The following DDX6 variants were observed in gnomAD, a reference collection of about 807,000 sequenced individuals.
The protein encoded by DDX6 is DEAD-box helicase 6, also known as probable ATP-dependent RNA helicase DDX6.
In DDX6, 7 loss-of-function variants were observed where a neutral mutation model predicts 60.6. The observed-to-expected ratio is 0.12, with a 90% CI of 0.07 to 0.22. The LOEUF (loss-of-function observed/expected upper bound fraction) is 0.22, where lower values mean the gene tolerates loss of function less well. DDX6 is among the 10% of genes least tolerant of loss of function. The probability of loss-of-function intolerance (pLI) is 1.00; values close to 1 mark genes in which losing one functional copy is unlikely to be tolerated. For synonymous variants in DDX6, 207 were observed against 201.0 expected (o/e 1.03, Z -0.25); for missense variants, 270 against 589.9 (o/e 0.46, Z 5.62).
intron 5 of DDX6, chr11:118,767,993 C>T: frequency 2.4e-6 from 1 of 419,962 alleles, no homozygotes; most frequent in South Asian, 3.3e-5. Flanking sequence ...GGAATGCTGT[C>T]ACAAGTGTGT....
At position 118,786,066 on chromosome 11, in the gene DDX6, C is replaced by A; in HGVS notation, c.186G>T (p.Met62Ile). 1 of 1,613,778 alleles carries A rather than the reference C, an allele frequency of 6.2e-7. No homozygotes were observed. The highest frequency in any genetic ancestry group is 8.5e-7 in the Non-Finnish European group (1 of 1,179,762). ...NNGTQQQAQS[M>I]TTTIKPGDDW... Reference sequence around the variant, plus strand: ...CTAACACTTACTTAATAGTGGTGGTCATACTCTGTGCTTGCTGCTGAGTGC... The same window carrying A: ...CTAACACTTACTTAATAGTGGTGGTAATACTCTGTGCTTGCTGCTGAGTGC... Residue 62 changes from methionine (M) to isoleucine (I), a missense_variant, in exon 2 of 14, where the codon ATG (methionine) becomes ATT (isoleucine). By Grantham distance (10) the Met-to-Ile change is conservative. Transcript: ENST00000534980.
rs1194348154 is a variant in DDX6, at chr11:118,749,031, A to AAGATC, written c.*3069_*3073dup. On this transcript the variant is annotated 3_prime_UTR_variant, in exon 14 of 14. Coordinates refer to ENST00000534980, the MANE Select transcript of DDX6 (RefSeq NM_004397.6). Reference sequence around the variant, plus strand: ...GTTTCCCTCTCTCTTACTTCTGTGAAAGATCATTTTAGAATAAATGTATTC... The same window carrying AAGATC: ...GTTTCCCTCTCTCTTACTTCTGTGAAAGATCAGATCATTTTAGAATAAATGTATTC... The AAGATC allele has an allele frequency of 2.6e-5, 4 of 152,240 alleles. No individual in the cohort carries two copies. The highest frequency in any genetic ancestry group is 9.6e-5 in the African/African-American group (4 of 41,460). The allele number at this position is 152,240 out of a possible 1,614,324, so 9.4% of individuals were successfully genotyped here. A position where few individuals can be genotyped will look rare whatever the true frequency, so the allele number is the denominator to read the frequency against.
intron 12 of DDX6, 115 bp from the exon 13 acceptor site, chr11:118,755,002 C>A: frequency 1.0e-6 from 1 of 956,208 alleles, no homozygotes; most frequent in Non-Finnish European, 1.5e-6. Flanking sequence ...CAGTGCCATT[C>A]TTAGTATGCA....
At chr11:118,771,103 T>C (rs1287771261) in intron 4 of DDX6, among the ~76,000 whole-genome samples, 3 of 152,190 alleles carry the variant, frequency 2.0e-5, no homozygotes, top group Admixed American at 6.5e-5. Context: ...GTTTTCTCTT[T>C]TGTGGTTCTG....
At chr11:118,754,561 ATAT>A (rs1217546941) in intron 13 of DDX6, 141 bp downstream of exon 13, 33 of 669,472 alleles carry the variant, frequency 4.9e-5, no homozygotes, top group African/African-American at 7.5e-5. Context: ...CCCACAAGAG[ATAT>A]TATTTACTGT....
chr11:118,757,909 A>G, intron 9 of DDX6, among the ~76,000 whole-genome samples: 1 of 152,078 alleles, frequency 6.6e-6, no homozygotes, highest in South Asian at 2.1e-4. Flanking sequence ...CTTCTTTAAT[A>G]TACTCACAAC....
chr11:118,776,117 C>T (rs782151355), intron 4 of DDX6, among the ~76,000 whole-genome samples: 2 of 152,174 alleles, frequency 1.3e-5, no homozygotes, highest in Admixed American at 6.5e-5. Flanking sequence ...GCATCCAGCC[C>T]AGGCAACTTA....
Position 118,748,309 on chromosome 11 carries a change from G to T in DDX6, c.*3796C>A, listed in dbSNP as rs1282642519. 2.6e-5 allele frequency: 4 copies of T among 152,078 alleles called. No individual in the cohort carries two copies. Among genetic ancestry groups the T allele is most frequent in the Non-Finnish European group, 5.9e-5 (4 of 68,020 alleles). 9.4% of individuals were successfully genotyped at this position (152,078 alleles called of 1,614,324 possible). ...ACCTCATGAACTGTGACAACCTTTG[G>T]ACACTTAACTCTTTACCCCAAAGAT... On this transcript the variant is annotated 3_prime_UTR_variant, in exon 14 of 14. Coordinates refer to ENST00000534980, the MANE Select transcript of DDX6 (RefSeq NM_004397.6).
upstream of DDX6, chr11:118,791,523 C>CGG (rs553303265): frequency 2.4e-4 from 36 of 152,342 alleles, no homozygotes; most frequent in African/African-American, 8.7e-4. Context: ...AAGTAAAAAT[C>CGG]GGGAGTTGAG....
chr11:118,765,707 G>A (rs74564812), intron 5 of DDX6, among the ~76,000 whole-genome samples: 1 of 151,804 alleles, frequency 6.6e-6, no homozygotes, highest in African/African-American at 2.4e-5. Context: ...CCCGGAGGCA[G>A]AGGCTGCAGT....
At position 118,786,427 on chromosome 11, in the gene DDX6, G is replaced by A. The variant is rs757944160; in HGVS notation, c.-176C>T. ...CCTGTAAGTCTCTGAACGGTAAGCA[G>A]CAGTAACTTGCTCTCTTGCACGGAA... On this transcript the variant is annotated 5_prime_UTR_variant, in exon 2 of 14. Transcript: ENST00000534980. 4.3e-6 allele frequency: 2 copies of A among 461,108 alleles called. No individual in the cohort carries two copies. The highest frequency in any genetic ancestry group is 7.5e-6 in the Non-Finnish European group (2 of 265,936). The allele number at this position is 461,108 out of a possible 1,614,324, so 28.6% of individuals were successfully genotyped here. A position where few individuals can be genotyped will look rare whatever the true frequency, so the allele number is the denominator to read the frequency against.
At chr11:118,770,688 G>A (rs182247124) in intron 4 of DDX6, among the ~76,000 whole-genome samples, 1 of 152,052 alleles carries the variant, frequency 6.6e-6, no homozygotes, top group African/African-American at 2.4e-5. Context: ...TCAGGAGTTC[G>A]AGACCAGCCT....
Position 118,750,457 on chromosome 11 carries a change from T to C in DDX6, c.*1648A>G, listed in dbSNP as rs138558622. ...CAAGAGAATGGCAAGCAGCTTTCTG[T>C]AGCATGAAAGTTAACAGCTCTCAGG... is the stretch of plus-strand genomic sequence containing the variant. On this transcript the variant is annotated 3_prime_UTR_variant, in exon 14 of 14. Transcript: ENST00000534980. 1 of 152,278 alleles carries C rather than the reference T, an allele frequency of 6.6e-6. No individual in the cohort carries two copies. The highest frequency in any genetic ancestry group is 1.5e-5 in the Non-Finnish European group (1 of 68,022). 9.4% of individuals were successfully genotyped at this position (152,278 alleles called of 1,614,324 possible).
At position 118,785,515 on chromosome 11, in the gene DDX6, T is replaced by C. The variant is rs544547208; in HGVS notation, c.200+537A>G. On this transcript the variant is annotated intron_variant, in intron 2 of 13. Coordinates refer to ENST00000534980, the MANE Select transcript of DDX6 (RefSeq NM_004397.6). ...GTCACCTCAACCAGCCAACTTTTTT[T>C]TTTTTTTAAAGTAAAAAAGCTAAGT... 3.9e-5 allele frequency among the ~76,000 whole-genome samples: 6 copies of C among 152,046 alleles called. No homozygotes were observed. In the East Asian group the frequency reaches 1.2e-3, roughly 29 times the overall value.
At chr11:118,788,305 A>AC (rs1565582600) in intron 1 of DDX6, 1 of 17,420 alleles carries the variant, frequency 5.7e-5, no homozygotes, top group Non-Finnish European at 6.1e-4. Context: ...CTCTGACTTA[A>AC]AAACAAACAA....
chr11:118,754,167 C>G (rs868978981), intron 13 of DDX6, among the ~76,000 whole-genome samples: 1 of 152,218 alleles, frequency 6.6e-6, no homozygotes, highest in Non-Finnish European at 1.5e-5. Context: ...CAGTGGCTTG[C>G]GCCTATAATC....
intron 1 of DDX6, chr11:118,790,160 G>A (rs1381556038): frequency 2.0e-5 from 3 of 152,144 alleles, no homozygotes; most frequent in Non-Finnish European, 2.9e-5. Flanking sequence ...GGGGGCTGAG[G>A]AAGAGAAAGG....
At position 118,751,975 on chromosome 11, in the gene DDX6, G is replaced by A; in HGVS notation, c.*130C>T. ...TCTTCACCAGTTAAAAAAAGAAAAT[G>A]TCTGAGCTCTTTTAAGTCTTCATAG... On this transcript the variant is annotated 3_prime_UTR_variant, in exon 14 of 14. Transcript: ENST00000534980. 2.6e-6 allele frequency: 1 copy of A among 386,478 alleles called. No individual in the cohort carries two copies. The highest frequency in any genetic ancestry group is 5.0e-6 in the Non-Finnish European group (1 of 199,594). The allele number at this position is 386,478 out of a possible 1,614,324, so 23.9% of individuals were successfully genotyped here. A position where few individuals can be genotyped will look rare whatever the true frequency, so the allele number is the denominator to read the frequency against.
chr11:118,751,905 AC>A lies in DDX6; in HGVS notation c.*199del. 2.3e-6 allele frequency: 1 copy of A among 440,614 alleles called. No homozygotes were observed. The highest frequency in any genetic ancestry group is 4.5e-6 in the Non-Finnish European group (1 of 220,810). 27.3% of individuals were successfully genotyped at this position (440,614 alleles called of 1,614,324 possible). A position where few individuals can be genotyped will look rare whatever the true frequency, so the allele number is the denominator to read the frequency against. On this transcript the variant is annotated 3_prime_UTR_variant, in exon 14 of 14. Transcript: ENST00000534980. ...AATGTTCAGTCAGCACACAGTGCAA[AC>A]AAGTGGAACAAAAAAGGTATATTCC...
Sources: allele counts gnomAD v4.1 joint callset (sites outside exome capture counted in the v4.1 genomes callset), GRCh38; gene constraint gnomAD v4.1.1; transcripts MANE v1.5; gene names NCBI Gene and HGNC (gene_info 2026-07-23, HGNC 2026-07-21).